HAUS5: variants seen among roughly 807,000 people sequenced by gnomAD.
The protein encoded by HAUS5 is HAUS augmin-like complex subunit 5.
HAUS5 carries 67 observed loss-of-function variants against 94.1 expected under a neutral mutation model. The ratio of observed to expected loss-of-function variants is 0.71; its 90% confidence interval spans 0.58 to 0.87. The LOEUF is 0.87. HAUS5 is among the 40% of genes least tolerant of loss of function. The pLI is 0.00. For missense variants in HAUS5, 739 were observed against 825.6 expected (o/e 0.90, Z 1.29); for synonymous variants, 339 against 355.4 (o/e 0.95, Z 0.52).
chr19:35,617,738 C>A, intron 8 of HAUS5, 117 bp from the exon 9 acceptor site: 1 of 882,468 alleles, frequency 1.1e-6, no homozygotes, highest in Admixed American at 2.0e-5. Flanking sequence ...AATTGGGGAA[C>A]TCAAGTCTAA....
At chr19:35,614,915 T>C (rs1193238988) in intron 4 of HAUS5, 127 bp from the exon 5 acceptor site, 1 of 645,112 alleles carries the variant, frequency 1.6e-6, no homozygotes, top group Non-Finnish European at 2.7e-6. Flanking sequence ...CCCTAATGCT[T>C]CTGTGTCAGA....
At chr19:35,620,169 G>T (rs990902373) in intron 16 of HAUS5, 26 bp from the exon 17 acceptor site, 1 of 1,611,374 alleles carries the variant, frequency 6.2e-7, no homozygotes, top group Non-Finnish European at 8.5e-7. Flanking sequence ...CCCGCCCCAG[G>T]TGACCGTCCT....
Position 35,615,314 on chromosome 19 carries a change from G to A in HAUS5, c.413G>A (p.Arg138Lys). 1.2e-6 allele frequency: 2 copies of A among 1,613,780 alleles called. No homozygotes were observed. The highest frequency in any genetic ancestry group is 1.7e-6 in the Non-Finnish European group (2 of 1,179,920). ...CGGGCCCAAGCTGGGGCCATGCGAA[G>A]ACAGCAGCATACGCTCCGAGATCCC... is the stretch of plus-strand genomic sequence containing the variant. ...LLRAQAGAMR[R>K]QQHTLRDPMQ... Residue 138 changes from arginine (R) to lysine (K), a missense_variant, in exon 6 of 19, where the codon AGA (arginine) becomes AAA (lysine). Physicochemically the swap from Arg to Lys is conservative, Grantham distance 26. Transcript: ENST00000203166.
Position 35,620,160 on chromosome 19 carries a change from C to T in HAUS5, c.1519-35C>T. 2.5e-6 allele frequency: 4 copies of T among 1,611,444 alleles called. No homozygotes were observed. The African/African-American group carries it at 5.3e-5, about 21-fold the overall frequency. The stretch of plus-strand genomic sequence containing the variant: ...TCTCCTGTGACTTGTCTCCCCAGCC[C>T]CGCCCCAGGTGACCGTCCTTCCCTC... On this transcript the variant is annotated intron_variant, in intron 16 of 18. Coordinates refer to ENST00000203166, the MANE Select transcript of HAUS5 (RefSeq NM_015302.2).
intron 17 of HAUS5, among the ~76,000 whole-genome samples, chr19:35,621,468 G>A (rs555644734): frequency 1.3e-5 from 2 of 152,072 alleles, no homozygotes; most frequent in African/African-American, 2.4e-5. Context: ...TCAGCCTCCC[G>A]AGTAGCTGGG....
chr19:35,618,125 G>C lies in HAUS5; in HGVS notation c.751G>C (p.Ala251Pro). ...GHVLAALEHL[A>P]AEREAEIRSL... Reference sequence around the variant, plus strand: ...CGTCCTGGCTGCCTTGGAGCACCTGGCTGCAGAGCGGGAGGCAGAGATTCG... The same window carrying C: ...CGTCCTGGCTGCCTTGGAGCACCTGCCTGCAGAGCGGGAGGCAGAGATTCG... Residue 251 changes from alanine to proline, a missense_variant, in exon 10 of 19, where the codon GCT (alanine) becomes CCT (proline). Coordinates refer to ENST00000203166, the MANE Select transcript of HAUS5 (RefSeq NM_015302.2). 1 of 1,609,876 alleles carries C rather than the reference G, an allele frequency of 6.2e-7. No homozygotes were observed. The highest frequency in any genetic ancestry group is 8.5e-7 in the Non-Finnish European group (1 of 1,177,168).
rs551878268 is a variant in HAUS5, at chr19:35,625,177, C to T, written c.*2184C>T. Reference sequence around the variant, plus strand: ...ACCGTTTAAATTTTTGAGATTCTACCTTATATTTTTTGAATTATATACTAA... The same window carrying T: ...ACCGTTTAAATTTTTGAGATTCTACTTTATATTTTTTGAATTATATACTAA... On this transcript the variant is annotated 3_prime_UTR_variant, in exon 19 of 19. Transcript: ENST00000203166. 1 of 152,146 alleles carries T rather than the reference C, an allele frequency of 6.6e-6. No homozygotes were observed. Among genetic ancestry groups the T allele is most frequent in the East Asian group, 1.9e-4 (1 of 5,182 alleles). The allele number at this position is 152,146 out of a possible 1,614,324, so 9.4% of individuals were successfully genotyped here.
Position 35,615,214 on chromosome 19 carries a change from G to A in HAUS5, c.326-13G>A, listed in dbSNP as rs1255697064. 5.0e-6 allele frequency: 8 copies of A among 1,613,344 alleles called. No individual in the cohort carries two copies. In the African/African-American group the frequency reaches 1.1e-4, roughly 22 times the overall value. ...GGGAAAGGTGCTGATGGCCACCCCTGTTCCTCCCACAGACACGGCCATGGA... is the reference window on the plus strand; with the variant it reads ...GGGAAAGGTGCTGATGGCCACCCCTATTCCTCCCACAGACACGGCCATGGA... On this transcript the variant is annotated splice_polypyrimidine_tract_variant and intron_variant, in intron 5 of 18. Transcript: ENST00000203166.
intron 1 of HAUS5, among the ~76,000 whole-genome samples, chr19:35,613,349 TCCCC>T (rs1313415941): frequency 6.6e-6 from 1 of 151,628 alleles, no homozygotes; most frequent in African/African-American, 2.4e-5. Context: ...TCTCCCGCGC[TCCCC>T]CACCACCCGC....
In HAUS5 at chr19:35,622,593, A is replaced by G. The variant is rs1967227135; in HGVS notation, c.1652-8A>G. 6.2e-7 allele frequency: 1 copy of G among 1,612,272 alleles called. No homozygotes were observed. Among genetic ancestry groups the G allele is most frequent in the Non-Finnish European group, 8.5e-7 (1 of 1,179,422 alleles). ...CTCAAAGCTGCCTCCTGGCTTTCTC[A>G]CCCTCAGAGCTGCTGCAGATCCAGG... On this transcript the variant is annotated splice_polypyrimidine_tract_variant and splice_region_variant and intron_variant, in intron 17 of 18. Transcript: ENST00000203166.
chr19:35,618,667 G>A lies in HAUS5; in HGVS notation c.984G>A (p.Glu328=). Residue 328 remains glutamate (E), a synonymous_variant, in exon 12 of 19, where the codon GAG becomes GAA. Coordinates refer to ENST00000203166, the MANE Select transcript of HAUS5 (RefSeq NM_015302.2). ...LTQRLQGLVE[E]VERRVLGSSE... ...AGCGCCTCCAGGGCCTGGTGGAGGA[G>A]GTGGAGAGACGCGTCCTGGGATCCA... The A allele has an allele frequency of 1.2e-6, 2 of 1,604,984 alleles. No homozygotes were observed. The highest frequency in any genetic ancestry group is 1.1e-5 in the South Asian group (1 of 90,608).
chr19:35,614,129 A>C (rs2071920168), intron 4 of HAUS5, 70 bp downstream of exon 4: 2 of 1,395,542 alleles, frequency 1.4e-6, no homozygotes, highest in Non-Finnish European at 2.0e-6. Flanking sequence ...CTCTAAGCCC[A>C]ACCAGGTGCT....
chr19:35,613,021 G>C, intron 1 of HAUS5, 129 bp downstream of exon 1: 1 of 677,198 alleles, frequency 1.5e-6, no homozygotes, highest in South Asian at 2.1e-5. Context: ...CTTACTGAGG[G>C]CTCCCTACCC....
Position 35,615,319 on chromosome 19 carries a change from C to A in HAUS5, c.418C>A (p.Gln140Lys). 6.2e-7 allele frequency: 1 copy of A among 1,613,522 alleles called. No individual in the cohort carries two copies. Among genetic ancestry groups the A allele is most frequent in the South Asian group, 1.1e-5 (1 of 90,986 alleles). Residue 140 changes from glutamine to lysine, a missense_variant, in exon 6 of 19, where the codon CAG becomes AAG. Gln to Lys is a moderately conservative substitution (Grantham distance 53). Transcript: ENST00000203166. Reference sequence around the variant, plus strand: ...CCAAGCTGGGGCCATGCGAAGACAGCAGCATACGCTCCGAGATCCCATGCA... The same window carrying A: ...CCAAGCTGGGGCCATGCGAAGACAGAAGCATACGCTCCGAGATCCCATGCA... ...RAQAGAMRRQQHTLRDPMQRL... is the reference protein window; with the variant it reads ...RAQAGAMRRQKHTLRDPMQRL...
At chr19:35,616,036 G>A (rs1372145551) in intron 6 of HAUS5, among the ~76,000 whole-genome samples, 1 of 152,184 alleles carries the variant, frequency 6.6e-6, no homozygotes, top group Non-Finnish European at 1.5e-5. Flanking sequence ...GTGACCTAAG[G>A]CTGGGCATGG....
At position 35,612,758 on chromosome 19, in the gene HAUS5, A is replaced by C; in HGVS notation, c.-37A>C. On this transcript the variant is annotated 5_prime_UTR_variant, in exon 1 of 19. Coordinates refer to ENST00000203166, the MANE Select transcript of HAUS5 (RefSeq NM_015302.2). ...TCAGAGGCGGGCGCCACACTTGAAG[A>C]GGCTGAGGGAGGCGGTGTCGCCGCC... The C allele has an allele frequency of 6.8e-7, 1 of 1,462,184 alleles. No homozygotes were observed. Among genetic ancestry groups the C allele is most frequent in the Non-Finnish European group, 9.2e-7 (1 of 1,085,350 alleles). 90.6% of individuals were successfully genotyped at this position (1,462,184 alleles called of 1,614,324 possible). A position where few individuals can be genotyped will look rare whatever the true frequency, so the allele number is the denominator to read the frequency against.
intron 10 of HAUS5, 45 bp downstream of exon 10, chr19:35,618,240 G>A (rs1182455782): frequency 6.3e-7 from 1 of 1,596,362 alleles, no homozygotes; most frequent in East Asian, 2.2e-5. Flanking sequence ...CCATGTGAGT[G>A]GGTGAGCTGG....
rs1967126413 is a variant in HAUS5, at chr19:35,617,974, G to T, written c.696+62G>T. The T allele has an allele frequency of 1.9e-6, 3 of 1,606,254 alleles. No homozygotes were observed. The South Asian group carries it at 3.3e-5, about 18-fold the overall frequency. On this transcript the variant is annotated intron_variant, in intron 9 of 18. Transcript: ENST00000203166. ...CCGCTCCTTGATCAAAACTTAGGGTGCCAGGACCTAACTCTTGATGACAGC... is the reference window on the plus strand; with the variant it reads ...CCGCTCCTTGATCAAAACTTAGGGTTCCAGGACCTAACTCTTGATGACAGC...
Position 35,623,310 on chromosome 19 carries a change from G to T in HAUS5, c.*317G>T. The stretch of plus-strand genomic sequence containing the variant: ...CCTGTCTTCCAGCAGTTGAGTTCTA[G>T]GGCAGGGAGACAGAGTTTACAAGAT... On this transcript the variant is annotated 3_prime_UTR_variant, in exon 19 of 19. Transcript: ENST00000203166. The T allele has an allele frequency of 3.4e-6, 1 of 295,850 alleles. No homozygotes were observed. 18.3% of individuals were successfully genotyped at this position (295,850 alleles called of 1,614,324 possible).
Sources: gnomAD v4.1 joint callset for allele counts (sites outside exome capture counted in the v4.1 genomes callset) on GRCh38, gnomAD v4.1.1 for gene constraint, MANE v1.5 for transcripts, NCBI Gene and HGNC (gene_info 2026-07-23, HGNC 2026-07-21) for gene names.